DOC2B: variants seen among roughly 807,000 people sequenced by gnomAD.
The protein encoded by DOC2B is double C2-like domain-containing protein beta.
Under a neutral mutation model 28.9 loss-of-function variants are expected in DOC2B, and 21 were observed. The ratio of observed to expected loss-of-function variants is 0.73; its 90% confidence interval spans 0.52 to 1.05. DOC2B has a LOEUF of 1.05. DOC2B is among the 50% of genes least tolerant of loss of function. The pLI, the probability that DOC2B is intolerant of heterozygous loss-of-function variation, is 0.00. For missense variants in DOC2B, 384 were observed against 421.1 expected (o/e 0.91, Z 0.77); for synonymous variants, 194 against 178.1 (o/e 1.09, Z -0.71).
chr17:166,110 C>T (rs112076988), intron 2 of DOC2B, among the ~76,000 whole-genome samples: 7,337 of 152,278 alleles, frequency 0.048, 193 homozygotes, highest in Non-Finnish European at 0.065. Flanking sequence ...GGGACTGTGA[C>T]GAGGCCCCTG....
intron 2 of DOC2B, among the ~76,000 whole-genome samples, chr17:170,631 C>G (rs1277808057): frequency 6.6e-6 from 1 of 152,186 alleles, no homozygotes; most frequent in Admixed American, 6.5e-5. Context: ...AGGCCCTTAC[C>G]TTGCGAGAGA....
At position 181,298 on chromosome 17, in the gene DOC2B, C is replaced by T; in HGVS notation, c.182G>A (p.Arg61His). ...RAAAPPDAPA[R>H]PAVAGAGRRS... ...GCGGCCGGCACCGGCCACAGCCGGGCGCGCGGGGGCGTCCGGGGGTGCAGC... is the reference window on the plus strand; with the variant it reads ...GCGGCCGGCACCGGCCACAGCCGGGTGCGCGGGGGCGTCCGGGGGTGCAGC... The change falls in exon 1 of 9, where the codon CGC (arginine) becomes CAC (histidine). Residue 61 changes from arginine to histidine, a missense_variant. By Grantham distance (29) the Arg-to-His change is conservative (BLOSUM62 0). Coordinates refer to ENST00000613549, the MANE Select transcript of DOC2B (RefSeq NM_003585.5). The surrounding 1 kb of genome is among the most constrained non-coding windows in gnomAD (Gnocchi z 7.0). The T allele has an allele frequency of 8.4e-7, 1 of 1,186,594 alleles. No individual in the cohort carries two copies. The highest frequency in any genetic ancestry group is 3.6e-5 in the East Asian group (1 of 27,648). The allele number at this position is 1,186,594 out of a possible 1,614,324, so 73.5% of individuals were successfully genotyped here. A position where few individuals can be genotyped will look rare whatever the true frequency, so the allele number is the denominator to read the frequency against.
At chr17:176,336 CCATGCCCGG>C (rs921593093) in intron 1 of DOC2B, among the ~76,000 whole-genome samples, 5 of 151,712 alleles carry the variant, frequency 3.3e-5, no homozygotes, top group African/African-American at 9.7e-5. Flanking sequence ...GCGCCCACCA[CCATGCCCGG>C]CTAACTTAAA....
At chr17:163,867 G>GCTGATCT in intron 3 of DOC2B, 2 of 425,562 alleles carry the variant, frequency 4.7e-6, no homozygotes, top group African/African-American at 3.9e-5. Flanking sequence ...AATTCTCCAG[G>GCTGATCT]GGTTTCCCCA....
At chr17:154,810 A>G (rs572480700) in intron 6 of DOC2B, among the ~76,000 whole-genome samples, 1 of 150,870 alleles carries the variant, frequency 6.6e-6, no homozygotes, top group Non-Finnish European at 1.5e-5. Context: ...GCTCACTGCA[A>G]TCTCCACCTC....
chr17:156,231 G>A lies in DOC2B; in HGVS notation c.912C>T (p.Pro304=), dbSNP rs1298097456. 1.9e-5 allele frequency: 29 copies of A among 1,549,574 alleles called. No individual in the cohort carries two copies. The highest frequency in any genetic ancestry group is 2.4e-5 in the Non-Finnish European group (27 of 1,146,202). ...AAMDANGYSD[P]YVKTYLRPDV... is the part of the protein sequence containing the mutation. ...CACGGCACACTCACGTTTTCACGTAGGGGTCCGAGTAGCCGTTGGCGTCCA... is the reference window on the plus strand; with the variant it reads ...CACGGCACACTCACGTTTTCACGTAAGGGTCCGAGTAGCCGTTGGCGTCCA... The change falls in exon 6 of 9, where the codon CCC becomes CCT. Residue 304 remains proline (P), a synonymous_variant. Coordinates refer to ENST00000613549, the MANE Select transcript of DOC2B (RefSeq NM_003585.5).
chr17:158,273 G>T (rs2040159537), intron 5 of DOC2B, among the ~76,000 whole-genome samples: 1 of 151,666 alleles, frequency 6.6e-6, no homozygotes, highest in Admixed American at 6.6e-5. Context: ...AGCCCCCCCA[G>T]ACAAACCCAG....
At chr17:160,967 C>A (rs2151465876) in intron 5 of DOC2B, among the ~76,000 whole-genome samples, 1 of 152,206 alleles carries the variant, frequency 6.6e-6, no homozygotes, top group Non-Finnish European at 1.5e-5. Context: ...GCAAACAGCC[C>A]CTCAGGCTTC....
At chr17:176,913 G>T (rs1313230432) in intron 1 of DOC2B, among the ~76,000 whole-genome samples, 1 of 152,136 alleles carries the variant, frequency 6.6e-6, no homozygotes, top group Non-Finnish European at 1.5e-5. Flanking sequence ...GCCCCTGTTG[G>T]CTCCTCTAAG....
chr17:181,082 C>T lies in DOC2B; in HGVS notation c.373+25G>A, dbSNP rs1456263447. 1 of 1,233,954 alleles carries T rather than the reference C, an allele frequency of 8.1e-7. No homozygotes were observed. The highest frequency in any genetic ancestry group is 3.2e-5 in the South Asian group (1 of 31,264). The allele number at this position is 1,233,954 out of a possible 1,614,324, so 76.4% of individuals were successfully genotyped here. On this transcript the variant is annotated intron_variant, in intron 1 of 8. Transcript: ENST00000613549. The surrounding 1 kb of genome is among the most constrained non-coding windows in gnomAD (Gnocchi z 7.0). Reference sequence around the variant, plus strand: ...CGAGCCCGAGCCAGGGGAGGGGGCGCGAAGTCGGCGCGTGGGAAACTTACT... The same window carrying T: ...CGAGCCCGAGCCAGGGGAGGGGGCGTGAAGTCGGCGCGTGGGAAACTTACT...
At chr17:174,870 G>T (rs904729073) in intron 1 of DOC2B, among the ~76,000 whole-genome samples, 1 of 152,208 alleles carries the variant, frequency 6.6e-6, no homozygotes, top group Admixed American at 6.5e-5. Flanking sequence ...TGTCATCCCA[G>T]CAGTTTGGGA....
At chr17:165,640 G>A (rs2040254612) in intron 2 of DOC2B, among the ~76,000 whole-genome samples, 1 of 152,188 alleles carries the variant, frequency 6.6e-6, no homozygotes, top group South Asian at 2.1e-4. Flanking sequence ...CGGAGAAGCG[G>A]TTGAGGTCTG....
intron 1 of DOC2B, among the ~76,000 whole-genome samples, chr17:180,050 C>A (rs1017210064): frequency 6.6e-6 from 1 of 152,246 alleles, no homozygotes; most frequent in East Asian, 1.9e-4. Flanking sequence ...CGCAGACATC[C>A]CTGCTGCGCA....
Position 181,473 on chromosome 17 carries a change from G to A in DOC2B, c.7C>T (p.Leu3Phe). The A allele has an allele frequency of 1.9e-6, 2 of 1,078,096 alleles. No homozygotes were observed. Among genetic ancestry groups the A allele is most frequent in the Non-Finnish European group, 2.3e-6 (2 of 886,518 alleles). 66.8% of individuals were successfully genotyped at this position (1,078,096 alleles called of 1,614,324 possible). A position where few individuals can be genotyped will look rare whatever the true frequency, so the allele number is the denominator to read the frequency against. MT[L>F]RRRGEKATIS... ...GTCGCCTTCTCCCCGCGCCGCCGGA[G>A]GGTCATGCAGGCAGCGCCGCCCCGC... is the stretch of plus-strand genomic sequence containing the variant. The change falls in exon 1 of 9, where the codon CTC becomes TTC. Residue 3 changes from leucine (L) to phenylalanine (F), a missense_variant. Transcript: ENST00000613549. The surrounding 1 kb of genome is among the most constrained non-coding windows in gnomAD (Gnocchi z 7.0).
At chr17:161,160 C>T (rs2040197928) in intron 5 of DOC2B, among the ~76,000 whole-genome samples, 1 of 152,188 alleles carries the variant, frequency 6.6e-6, no homozygotes, top group South Asian at 2.1e-4. Context: ...TCAAGCCATC[C>T]TGAGCCCAGG....
chr17:163,140 G>A (rs2040223845), intron 3 of DOC2B, among the ~76,000 whole-genome samples: 1 of 152,146 alleles, frequency 6.6e-6, no homozygotes, highest in Non-Finnish European at 1.5e-5. Context: ...GGAAAGTCCT[G>A]GGGACTTCCT....
chr17:173,824 G>A (rs1474603066), intron 1 of DOC2B, among the ~76,000 whole-genome samples: 2 of 152,168 alleles, frequency 1.3e-5, no homozygotes, highest in Non-Finnish European at 2.9e-5. Flanking sequence ...CGGGATAAGG[G>A]AAGGCCAAAC....
At chr17:179,234 G>A (rs1381795279) in intron 1 of DOC2B, among the ~76,000 whole-genome samples, 1 of 152,164 alleles carries the variant, frequency 6.6e-6, no homozygotes, top group Non-Finnish European at 1.5e-5. Context: ...CTGACCTCAT[G>A]TGAGTCTGGC....
At position 144,782 on chromosome 17, in the gene DOC2B, T is replaced by C. The variant is rs1156342909; in HGVS notation, c.*2659A>G. 1 of 152,068 alleles carries C rather than the reference T, an allele frequency of 6.6e-6. No individual in the cohort carries two copies. The highest frequency in any genetic ancestry group is 1.9e-4 in the East Asian group (1 of 5,166). 9.4% of individuals were successfully genotyped at this position (152,068 alleles called of 1,614,324 possible). Reference sequence around the variant, plus strand: ...AGGGCCCTGGACTGGGGGGCTGGAGTTCTGGGTTCTTGTCCCAGCTGTGCC... The same window carrying C: ...AGGGCCCTGGACTGGGGGGCTGGAGCTCTGGGTTCTTGTCCCAGCTGTGCC... On this transcript the variant is annotated 3_prime_UTR_variant, in exon 9 of 9. Coordinates refer to ENST00000613549, the MANE Select transcript of DOC2B (RefSeq NM_003585.5).
Sources: allele counts gnomAD v4.1 joint callset (sites outside exome capture counted in the v4.1 genomes callset), GRCh38; gene constraint gnomAD v4.1.1; non-coding constraint Gnocchi (gnomAD v3.1); transcripts MANE v1.5; gene names NCBI Gene and HGNC (gene_info 2026-07-23, HGNC 2026-07-21).